TPRA1: variants seen among roughly 807,000 people sequenced by gnomAD.
TPRA1 encodes the protein transmembrane protein adipocyte associated 1, also known as transmembrane protein adipocyte-associated 1.
TPRA1 carries 28 observed loss-of-function variants against 40.1 expected under a neutral mutation model. That is an observed-to-expected ratio of 0.70 (90% CI 0.52 to 0.96). The LOEUF (loss-of-function observed/expected upper bound fraction) is 0.96, where lower values mean the gene tolerates loss of function less well. Ranked by LOEUF, TPRA1 falls within the 40% of genes least tolerant of loss-of-function variation. The pLI, the probability that TPRA1 is intolerant of heterozygous loss-of-function variation, is 0.00. For missense variants in TPRA1, 441 were observed against 482.6 expected (o/e 0.91, Z 0.81); for synonymous variants, 219 against 209.7 (o/e 1.04, Z -0.38).
intron 1 of TPRA1, among the ~76,000 whole-genome samples, chr3:127,583,708 G>C (rs1026175041): frequency 8.7e-5 from 13 of 149,248 alleles, no homozygotes; most frequent in East Asian, 5.9e-4. Context: ...GTCTTGCTCT[G>C]TCTCCAGGCT....
intron 3 of TPRA1, 89 bp downstream of exon 3, chr3:127,579,651 T>C (rs901278881): frequency 4.8e-6 from 7 of 1,443,806 alleles, no homozygotes; most frequent in African/African-American, 4.2e-5. Flanking sequence ...CAGCCATACC[T>C]GAAGCTTATT....
At chr3:127,593,552 C>T (rs2074212426), upstream of TPRA1, among the ~76,000 whole-genome samples, 1 of 152,096 alleles carries the variant, frequency 6.6e-6, no homozygotes, top group Admixed American at 6.5e-5. Flanking sequence ...GCCTCTGAGA[C>T]CCCACTATCA....
Position 127,587,675 on chromosome 3 carries a change from C to CTTT in TPRA1, c.-18+2732_-18+2734dup, listed in dbSNP as rs1171996656. Among the ~76,000 whole-genome samples, 17 of 129,768 alleles carry CTTT rather than the reference C, an allele frequency of 1.3e-4. No individual in the cohort carries two copies. In the East Asian group the frequency reaches 2.2e-3, roughly 17 times the overall value. 85.1% of individuals were successfully genotyped at this position (129,768 alleles called of 152,430 possible). ...ATGTACAAAGGTGGTTGCTGCTTTT[C>CTTT]TTTTTTTTTTTTTTTTTTTGAGACA... On this transcript the variant is annotated intron_variant, in intron 1 of 10. Coordinates refer to ENST00000355552, the MANE Select transcript of TPRA1 (RefSeq NM_001136053.4).
chr3:127,584,469 A>AAG (rs2073938103), intron 1 of TPRA1, among the ~76,000 whole-genome samples: 2 of 149,032 alleles, frequency 1.3e-5, no homozygotes, highest in Non-Finnish European at 3.0e-5. Context: ...AAAAAAAAAA[A>AAG]AAAAAAAAAA....
At chr3:127,580,272 CT>C in intron 1 of TPRA1, 109 bp from the exon 2 acceptor site, 1 of 1,273,764 alleles carries the variant, frequency 7.9e-7, no homozygotes, top group Non-Finnish European at 1.1e-6. Flanking sequence ...CAGAGCACCC[CT>C]GTAAACCACC....
intron 1 of TPRA1, among the ~76,000 whole-genome samples, chr3:127,587,568 A>T (rs2074036696): frequency 6.6e-6 from 1 of 151,990 alleles, no homozygotes; most frequent in African/African-American, 2.4e-5. Flanking sequence ...CCCTCCAAGT[A>T]TCATGGGGAC....
At chr3:127,597,608 C>T (rs1311777311) in intron 1 of TPRA1, among the ~76,000 whole-genome samples, 1 of 152,188 alleles carries the variant, frequency 6.6e-6, no homozygotes, top group African/African-American at 2.4e-5. Flanking sequence ...ACATGGCATC[C>T]TTCTATCTGT....
chr3:127,583,676 C>CT (rs371220589), intron 1 of TPRA1, among the ~76,000 whole-genome samples: 177 of 143,712 alleles, frequency 1.2e-3, no homozygotes, highest in African/African-American at 1.8e-3. Flanking sequence ...TTCACACATG[C>CT]TTTTTTTTTT....
In TPRA1 at chr3:127,576,940, C is replaced by A. The variant is rs1559835846; in HGVS notation, c.346-47G>T. The A allele has an allele frequency of 6.2e-7, 1 of 1,613,560 alleles. No individual in the cohort carries two copies. The highest frequency in any genetic ancestry group is 1.7e-5 in the Admixed American group (1 of 60,030). The stretch of plus-strand genomic sequence containing the variant: ...CGTCAGCCTGGACCAGCATCCCCAG[C>A]CCACCCCAGGCCAGGCCTCCCTGGC... On this transcript the variant is annotated intron_variant, in intron 4 of 10. Transcript: ENST00000355552. The surrounding 1 kb of genome is among the most constrained non-coding windows in gnomAD (Gnocchi z 4.6).
intron 10 of TPRA1, among the ~76,000 whole-genome samples, chr3:127,574,418 G>A (rs1354505672): frequency 6.6e-6 from 1 of 152,228 alleles, no homozygotes; most frequent in Non-Finnish European, 1.5e-5. Flanking sequence ...AAGGTCTGGA[G>A]TGGGACCCCC....
chr3:127,585,997 T>A (rs1238626448), intron 1 of TPRA1, among the ~76,000 whole-genome samples: 1 of 152,182 alleles, frequency 6.6e-6, no homozygotes, highest in East Asian at 1.9e-4. Flanking sequence ...AATGAGTAAC[T>A]AACTGTCTTC....
At chr3:127,582,996 A>T (rs568879441) in intron 1 of TPRA1, among the ~76,000 whole-genome samples, 1 of 152,028 alleles carries the variant, frequency 6.6e-6, no homozygotes, top group South Asian at 2.1e-4. Flanking sequence ...ATACAAAAAA[A>T]TTAGCCGGGC....
rs1042608940 is a variant in TPRA1, at chr3:127,571,622, T to C, written c.*1899A>G. ...TCCATTGGAGTGAGCTACAGGACAT[T>C]AGCATTACAGAAAGAGGGATGATAT... On this transcript the variant is annotated 3_prime_UTR_variant, in exon 11 of 11. Coordinates refer to ENST00000355552, the MANE Select transcript of TPRA1 (RefSeq NM_001136053.4). 3.3e-5 allele frequency: 5 copies of C among 152,164 alleles called. No individual in the cohort carries two copies. The highest frequency in any genetic ancestry group is 7.2e-5 in the African/African-American group (3 of 41,412). 9.4% of individuals were successfully genotyped at this position (152,164 alleles called of 1,614,324 possible).
upstream of TPRA1, among the ~76,000 whole-genome samples, chr3:127,592,280 A>C (rs1443212350): frequency 6.6e-6 from 1 of 152,038 alleles, no homozygotes; most frequent in Non-Finnish European, 1.5e-5. Context: ...ACCAGGCCTA[A>C]TAACTACCCT....
intron 1 of TPRA1, among the ~76,000 whole-genome samples, chr3:127,585,323 C>T (rs2073966647): frequency 6.6e-6 from 1 of 152,230 alleles, no homozygotes; most frequent in South Asian, 2.1e-4. Context: ...GGGCAAAAAA[C>T]AGGCCAGGGT....
At chr3:127,575,687 C>T (rs1002558468) in intron 8 of TPRA1, 62 bp downstream of exon 8, 17 of 1,580,636 alleles carry the variant, frequency 1.1e-5, no homozygotes, top group South Asian at 2.2e-5. Flanking sequence ...ACCAGCTCTA[C>T]AGTGGCCCGG....
chr3:127,598,161 AGTGTCGTCG>A (rs1423610724), exon 1 of TPRA1: 2 of 489,660 alleles, frequency 4.1e-6, no homozygotes, highest in Non-Finnish European at 7.4e-6. Flanking sequence ...GCAGCCAGCA[AGTGTCGTCG>A]GGTCCCCTGG....
chr3:127,580,230 G>A (rs2073789470), intron 1 of TPRA1, 67 bp from the exon 2 acceptor site: 2 of 1,522,034 alleles, frequency 1.3e-6, no homozygotes, highest in Non-Finnish European at 1.8e-6. Flanking sequence ...CCCTGGACCT[G>A]GGACTCCCAG....
intron 1 of TPRA1, among the ~76,000 whole-genome samples, chr3:127,582,772 A>G (rs560631568): frequency 6.7e-6 from 1 of 150,200 alleles, no homozygotes; most frequent in Admixed American, 6.6e-5. Flanking sequence ...AGGCTGAGGT[A>G]GGTGGATCAC....
Sources: gnomAD v4.1 joint callset for allele counts (sites outside exome capture counted in the v4.1 genomes callset) on GRCh38, gnomAD v4.1.1 for gene constraint, Gnocchi (gnomAD v3.1) non-coding constraint, MANE v1.5 for transcripts, NCBI Gene and HGNC (gene_info 2026-07-23, HGNC 2026-07-21) for gene names.